Variants in NEK7 observed in about 807,000 individuals in gnomAD.
The protein encoded by NEK7 is serine/threonine-protein kinase Nek7.
NEK7 carries 18 observed loss-of-function variants against 44.6 expected under a neutral mutation model. The ratio of observed to expected loss-of-function variants is 0.40; its 90% confidence interval spans 0.28 to 0.60. The LOEUF (loss-of-function observed/expected upper bound fraction) is 0.60, where lower values mean the gene tolerates loss of function less well. Ranked by LOEUF, NEK7 falls within the 20% of genes least tolerant of loss-of-function variation. The pLI, the probability that NEK7 is intolerant of heterozygous loss-of-function variation, is 0.38. For synonymous variants in NEK7, 130 were observed against 121.1 expected (o/e 1.07, Z -0.48); for missense variants, 256 against 366.5 (o/e 0.70, Z 2.46).
intron 1 of NEK7, among the ~76,000 whole-genome samples, chr1:198,227,950 A>G (rs569169670): frequency 1.3e-5 from 2 of 152,264 alleles, no homozygotes; most frequent in Admixed American, 1.3e-4. Flanking sequence ...GCCCATGCCT[A>G]TGTCCTGAAT....
At chr1:198,266,855 A>G (rs1345972893) in intron 5 of NEK7, among the ~76,000 whole-genome samples, 1 of 152,052 alleles carries the variant, frequency 6.6e-6, no homozygotes, top group East Asian at 1.9e-4. Context: ...TAAACCTCTG[A>G]TCACTACTCT....
intron 7 of NEK7, among the ~76,000 whole-genome samples, chr1:198,288,694 A>G (rs1212881134): frequency 1.3e-5 from 2 of 152,158 alleles, no homozygotes. Flanking sequence ...CCCCGTTTTC[A>G]CTGGACTGTG....
intron 9 of NEK7, among the ~76,000 whole-genome samples, chr1:198,303,638 TA>T (rs1654949328): frequency 1.3e-5 from 2 of 152,128 alleles, no homozygotes; most frequent in African/African-American, 4.8e-5. Context: ...TAGATCTATA[TA>T]AGTTTTCTGG....
chr1:198,270,622 G>A (rs1653807041), intron 5 of NEK7, among the ~76,000 whole-genome samples: 1 of 151,980 alleles, frequency 6.6e-6, no homozygotes, highest in Admixed American at 6.6e-5. Flanking sequence ...TTAGATTGCT[G>A]ACTTTGTATT....
intron 7 of NEK7, among the ~76,000 whole-genome samples, chr1:198,286,407 CTT>C (rs1654369254): frequency 4.7e-5 from 7 of 149,384 alleles, no homozygotes; most frequent in Non-Finnish European, 1.0e-4. Context: ...ATCCAGTGAG[CTT>C]TTAGAGGTCA....
rs566408220 is a variant in NEK7, at chr1:198,310,703, C to G, written c.799-8709C>G. Among the ~76,000 whole-genome samples the G allele has an allele frequency of 5.3e-5, 8 of 152,200 alleles. No individual in the cohort carries two copies. In the East Asian group the frequency reaches 9.7e-4, roughly 18 times the overall value. On this transcript the variant is annotated intron_variant, in intron 9 of 9. Coordinates refer to ENST00000367385, the MANE Select transcript of NEK7 (RefSeq NM_133494.3). ...AACACCATTTATTAAATAGGGAATC[C>G]TTTCCCCATTGCTTGTTTTTCTCAG...
chr1:198,252,937 A>C (rs564365751), intron 2 of NEK7, 103 bp from the exon 3 acceptor site: 13 of 954,898 alleles, frequency 1.4e-5, no homozygotes, highest in Admixed American at 1.4e-4. Context: ...GATGTCTGCA[A>C]ACTTACCCTA....
chr1:198,250,056 A>G (rs1652877820), intron 2 of NEK7, among the ~76,000 whole-genome samples: 1 of 146,270 alleles, frequency 6.8e-6, no homozygotes, highest in African/African-American at 2.6e-5. Flanking sequence ...TGATTTTTGT[A>G]TAAGGTGTAA....
chr1:198,226,514 C>T (rs1387837751), intron 1 of NEK7, among the ~76,000 whole-genome samples: 1 of 151,254 alleles, frequency 6.6e-6, no homozygotes, highest in Admixed American at 6.6e-5. Flanking sequence ...CGCTGCATTC[C>T]AGCCTGGGCG....
At chr1:198,235,683 C>T (rs1264803896) in intron 2 of NEK7, among the ~76,000 whole-genome samples, 1 of 152,078 alleles carries the variant, frequency 6.6e-6, no homozygotes, top group African/African-American at 2.4e-5. Flanking sequence ...ATGGTAGAGT[C>T]ACATTTTTTT....
chr1:198,302,670 A>G (rs1288172711), intron 9 of NEK7, among the ~76,000 whole-genome samples: 5 of 152,136 alleles, frequency 3.3e-5, no homozygotes, highest in Non-Finnish European at 5.9e-5. Flanking sequence ...GGAGAGTATA[A>G]CATATTTATG....
chr1:198,300,372 T>A (rs1041343047), intron 9 of NEK7, among the ~76,000 whole-genome samples: 34 of 152,352 alleles, frequency 2.2e-4, no homozygotes, highest in African/African-American at 8.2e-4. Context: ...CTAACTCTTA[T>A]CAATGCAAGT....
chr1:198,246,900 A>G lies in NEK7; in HGVS notation c.58-6140A>G, dbSNP rs1268367740. Among the ~76,000 whole-genome samples, 5 of 152,266 alleles carry G rather than the reference A, an allele frequency of 3.3e-5. No homozygotes were observed. In the East Asian group the frequency reaches 9.6e-4, roughly 29 times the overall value. On this transcript the variant is annotated intron_variant, in intron 2 of 9. Transcript: ENST00000367385. ...GTGTATGGGAGAAGGATTTATACTTATTAGATGACACAGACTATTCCAGTG... is the reference window on the plus strand; with the variant it reads ...GTGTATGGGAGAAGGATTTATACTTGTTAGATGACACAGACTATTCCAGTG...
intron 1 of NEK7, among the ~76,000 whole-genome samples, chr1:198,180,444 TTTGC>T (rs1664733812): frequency 6.6e-6 from 1 of 152,008 alleles, no homozygotes; most frequent in African/African-American, 2.4e-5. Context: ...TTTGTAACAG[TTTGC>T]TTGAGGAATG....
chr1:198,269,406 T>C (rs1653767041), intron 5 of NEK7, among the ~76,000 whole-genome samples: 1 of 152,092 alleles, frequency 6.6e-6, no homozygotes, highest in African/African-American at 2.4e-5. Context: ...AAAATTGTTT[T>C]CTGAACATGC....
chr1:198,312,591 C>A (rs976746981), intron 9 of NEK7, among the ~76,000 whole-genome samples: 1 of 151,504 alleles, frequency 6.6e-6, no homozygotes, highest in African/African-American at 2.4e-5. Context: ...TATAAATTGC[C>A]CTCTACACAC....
chr1:198,271,937 A>C lies in NEK7; in HGVS notation c.373-6024A>C, dbSNP rs987332942. ...TATATATATATATACACACACACAC[A>C]CACACATAGATACATTTACTTAGGT... On this transcript the variant is annotated intron_variant, in intron 5 of 9. Transcript: ENST00000367385. 2.0e-5 allele frequency among the ~76,000 whole-genome samples: 3 copies of C among 148,384 alleles called. No homozygotes were observed. In the Admixed American group the frequency reaches 2.0e-4, roughly 10 times the overall value.
chr1:198,244,223 G>A (rs746317698), intron 2 of NEK7, among the ~76,000 whole-genome samples: 17 of 152,034 alleles, frequency 1.1e-4, no homozygotes, highest in Non-Finnish European at 2.5e-4. Context: ...GTTAATTACT[G>A]TAATTAATAC....
intron 1 of NEK7, among the ~76,000 whole-genome samples, chr1:198,228,894 C>T (rs187694056): frequency 6.6e-6 from 1 of 152,284 alleles, no homozygotes; most frequent in African/African-American, 2.4e-5. Context: ...GCCAGAACTT[C>T]TAACACTATG....
Sources: gnomAD v4.1 joint callset for allele counts (sites outside exome capture counted in the v4.1 genomes callset) on GRCh38, gnomAD v4.1.1 for gene constraint, MANE v1.5 for transcripts, NCBI Gene and HGNC (gene_info 2026-07-23, HGNC 2026-07-21) for gene names.